C8orf34: variants seen among roughly 807,000 people sequenced by gnomAD.
C8orf34 encodes the protein chromosome 8 open reading frame 34, also known as uncharacterized protein C8orf34.
C8orf34 carries 65 observed loss-of-function variants against 68.3 expected under a neutral mutation model. That is an observed-to-expected ratio of 0.95 (90% confidence interval 0.78 to 1.17). The LOEUF (loss-of-function observed/expected upper bound fraction) is 1.17, where lower values mean the gene tolerates loss of function less well. Among genes scored for constraint, C8orf34 ranks in the 50% most tolerant of loss-of-function variants. The pLI, the probability that C8orf34 is intolerant of heterozygous loss-of-function variation, is 0.00. For synonymous variants in C8orf34, 244 were observed against 241.2 expected (o/e 1.01, Z -0.11); for missense variants, 664 against 655.4 (o/e 1.01, Z -0.14).
chr8:68,738,083 T>G (rs1822173569), intron 10 of C8orf34, among the ~76,000 whole-genome samples: 1 of 151,994 alleles, frequency 6.6e-6, no homozygotes, highest in African/African-American at 2.4e-5. Flanking sequence ...AGTTTCTTGG[T>G]TTTTATATGG....
Position 68,812,198 on chromosome 8 carries a change from A to T in C8orf34, c.1550-3688A>T, listed in dbSNP as rs16935094. Among the ~76,000 whole-genome samples, 947 of 152,312 alleles carry T rather than the reference A, an allele frequency of 6.2e-3. 11 individuals are homozygous for T. The highest frequency in any genetic ancestry group is 0.022 in the African/African-American group (906 of 41,574). On this transcript the variant is annotated intron_variant, in intron 12 of 13. Transcript: ENST00000518698. ...CAAATTATTATCTACAAGCAAAGTC[A>T]TCCAGAAAATTAAGGGAGCCATATA...
chr8:68,474,418 C>A (rs1483659973), intron 4 of C8orf34, among the ~76,000 whole-genome samples: 2 of 152,088 alleles, frequency 1.3e-5, no homozygotes, highest in African/African-American at 2.4e-5. Context: ...TGTTTTGAGT[C>A]TAGTTTATAT....
chr8:68,816,381 A>C (rs996611237), intron 13 of C8orf34, among the ~76,000 whole-genome samples: 7 of 152,174 alleles, frequency 4.6e-5, no homozygotes, highest in Admixed American at 6.5e-5. Flanking sequence ...GTGTCCATGA[A>C]TATGAGGCTA....
intron 8 of C8orf34, among the ~76,000 whole-genome samples, chr8:68,662,818 A>G (rs1819722174): frequency 6.6e-6 from 1 of 152,196 alleles, no homozygotes; most frequent in Admixed American, 6.5e-5. Context: ...ACAAGAGGTC[A>G]GAGGACCTTG....
At chr8:68,530,395 G>A (rs191020329) in intron 6 of C8orf34, among the ~76,000 whole-genome samples, 8 of 151,950 alleles carry the variant, frequency 5.3e-5, no homozygotes, top group Admixed American at 1.3e-4. Context: ...AAGCGAATGG[G>A]GCTAAAATAA....
chr8:68,774,009 C>T (rs1343643026), intron 10 of C8orf34, among the ~76,000 whole-genome samples: 10 of 152,120 alleles, frequency 6.6e-5, no homozygotes, highest in East Asian at 1.9e-4. Flanking sequence ...CTTCAGTGAG[C>T]GCCCAGAAAC....
chr8:68,408,610 G>C (rs1452990026), intron 1 of C8orf34, among the ~76,000 whole-genome samples: 1 of 151,970 alleles, frequency 6.6e-6, no homozygotes, highest in Non-Finnish European at 1.5e-5. Context: ...TTCATAAATT[G>C]TCATGCACCA....
chr8:68,793,168 G>A (rs1824062870), intron 12 of C8orf34, among the ~76,000 whole-genome samples: 1 of 151,954 alleles, frequency 6.6e-6, no homozygotes, highest in South Asian at 2.1e-4. Context: ...TAAAAATACA[G>A]AATATCACAA....
chr8:68,743,581 G>A (rs1014833049), intron 10 of C8orf34, among the ~76,000 whole-genome samples: 1 of 152,220 alleles, frequency 6.6e-6, no homozygotes, highest in Non-Finnish European at 1.5e-5. Flanking sequence ...GAAGCGCAAG[G>A]GGTCAGGGAG....
At chr8:68,757,490 T>C (rs1298877583) in intron 10 of C8orf34, among the ~76,000 whole-genome samples, 1 of 151,878 alleles carries the variant, frequency 6.6e-6, no homozygotes, top group African/African-American at 2.4e-5. Context: ...ATTAGCCGGG[T>C]ATGATGGCGG....
At chr8:68,559,572 A>T (rs1292626635) in intron 7 of C8orf34, among the ~76,000 whole-genome samples, 2 of 152,166 alleles carry the variant, frequency 1.3e-5, no homozygotes, top group Non-Finnish European at 2.9e-5. Flanking sequence ...TGGCAAAAAA[A>T]CATTTTCTTT....
At chr8:68,717,953 G>T (rs1821524910) in intron 9 of C8orf34, among the ~76,000 whole-genome samples, 1 of 152,090 alleles carries the variant, frequency 6.6e-6, no homozygotes, top group South Asian at 2.1e-4. Context: ...CCCCAGGCTG[G>T]CCATTCGTTG....
intron 3 of C8orf34, chr8:68,447,620 T>C (rs1297931732): frequency 1.3e-5 from 2 of 152,190 alleles, no homozygotes; most frequent in African/African-American, 2.4e-5. Context: ...AAAATATTTA[T>C]CTTTGTTTGA....
chr8:68,693,343 T>C (rs1394187241), intron 8 of C8orf34, among the ~76,000 whole-genome samples: 1 of 152,066 alleles, frequency 6.6e-6, no homozygotes, highest in African/African-American at 2.4e-5. Flanking sequence ...AAGGATTTAG[T>C]AGCCCTAAAG....
At chr8:68,804,753 T>G (rs1306084814) in intron 12 of C8orf34, among the ~76,000 whole-genome samples, 1 of 152,150 alleles carries the variant, frequency 6.6e-6, no homozygotes, top group Non-Finnish European at 1.5e-5. Flanking sequence ...CACTCCAGCC[T>G]GGATGACAAG....
chr8:68,789,560 A>G (rs912572761), intron 12 of C8orf34, among the ~76,000 whole-genome samples: 3 of 152,120 alleles, frequency 2.0e-5, no homozygotes, highest in Non-Finnish European at 4.4e-5. Flanking sequence ...TTCTGCTTAT[A>G]TTTTTACAAT....
chr8:68,454,649 C>T (rs1811475044), intron 3 of C8orf34, among the ~76,000 whole-genome samples: 1 of 151,956 alleles, frequency 6.6e-6, no homozygotes, highest in Non-Finnish European at 1.5e-5. Flanking sequence ...CTTTTTCAAT[C>T]AATCTAGCTA....
At chr8:68,563,403 C>T (rs1176315172) in intron 7 of C8orf34, among the ~76,000 whole-genome samples, 1 of 152,068 alleles carries the variant, frequency 6.6e-6, no homozygotes, top group Non-Finnish European at 1.5e-5. Flanking sequence ...GAAAATAAAG[C>T]ATTAACAGAA....
chr8:68,343,846 C>G (rs1806173377), intron 1 of C8orf34, among the ~76,000 whole-genome samples: 1 of 152,092 alleles, frequency 6.6e-6, no homozygotes, highest in Admixed American at 6.6e-5. Flanking sequence ...CCTGCCTTGG[C>G]CTCCCAAAGT....
Sources: gnomAD v4.1 joint callset for allele counts (sites outside exome capture counted in the v4.1 genomes callset) on GRCh38, gnomAD v4.1.1 for gene constraint, MANE v1.5 for transcripts, NCBI Gene and HGNC (gene_info 2026-07-23, HGNC 2026-07-21) for gene names.